The following MICAL2 variants were observed in gnomAD, a reference collection of about 807,000 sequenced individuals.
MICAL2 encodes the protein [F-actin]-monooxygenase MICAL2.
In MICAL2, 77 loss-of-function variants were observed where a neutral mutation model predicts 127.3. The observed-to-expected ratio is 0.60, with a 90% confidence interval of 0.50 to 0.73. MICAL2 has a LOEUF of 0.73. Ranked by LOEUF, MICAL2 falls within the 30% of genes least tolerant of loss-of-function variation. MICAL2 has a pLI of 0.00. For synonymous variants in MICAL2, 570 were observed against 551.1 expected, an observed-to-expected ratio of 1.03 and a Z score of -0.48; for missense variants, 1,351 against 1,434.4, an observed-to-expected ratio of 0.94 and a Z score of 0.94.
intron 21 of MICAL2, among the ~76,000 whole-genome samples, chr11:12,247,673 T>A (rs1162585612): frequency 6.6e-6 from 1 of 152,248 alleles, no homozygotes; most frequent in African/African-American, 2.4e-5. Flanking sequence ...CCCCAAACTC[T>A]GCCCCACCAT....
intron 1 of MICAL2, among the ~76,000 whole-genome samples, chr11:12,135,028 C>A (rs1300079334): frequency 1.3e-5 from 2 of 152,106 alleles, no homozygotes. Context: ...CCTAAGAGGA[C>A]CAGGCCTTCC....
intron 3 of MICAL2, among the ~76,000 whole-genome samples, chr11:12,174,594 TG>T (rs1856633848): frequency 6.6e-6 from 1 of 152,192 alleles, no homozygotes; most frequent in African/African-American, 2.4e-5. Flanking sequence ...GAGGAACCCT[TG>T]TTTTTTTTTT....
chr11:12,297,532 C>T (rs1864000639), intron 29 of MICAL2, among the ~76,000 whole-genome samples: 1 of 151,952 alleles, frequency 6.6e-6, no homozygotes, highest in African/African-American at 2.4e-5. Flanking sequence ...GCTTTATATA[C>T]TAGTTTGAAA....
chr11:12,345,567 C>A (rs978869755), intron 32 of MICAL2, among the ~76,000 whole-genome samples: 2 of 152,138 alleles, frequency 1.3e-5, no homozygotes, highest in African/African-American at 4.8e-5. Context: ...ATAAAATATT[C>A]AAAAGATGTC....
At chr11:12,130,190 G>A (rs1851300331) in intron 1 of MICAL2, among the ~76,000 whole-genome samples, 1 of 152,230 alleles carries the variant, frequency 6.6e-6, no homozygotes. Context: ...TTGGTGGGGA[G>A]TGGGAGACAA....
chr11:12,206,341 C>A (rs897238106), intron 4 of MICAL2, among the ~76,000 whole-genome samples: 1 of 152,134 alleles, frequency 6.6e-6, no homozygotes, highest in African/African-American at 2.4e-5. Context: ...AATCCTGCAG[C>A]GTGCCGTAAT....
intron 2 of MICAL2, among the ~76,000 whole-genome samples, chr11:12,282,244 T>A (rs117102552): frequency 0.014 from 2,069 of 152,274 alleles, 20 homozygotes; most frequent in Non-Finnish European, 0.019. Flanking sequence ...AACACATTTG[T>A]TAAGTACCAT....
At chr11:12,145,898 T>C (rs1852850639) in intron 2 of MICAL2, among the ~76,000 whole-genome samples, 1 of 152,220 alleles carries the variant, frequency 6.6e-6, no homozygotes, top group Non-Finnish European at 1.5e-5. Context: ...GTTATTTATG[T>C]TGTTAATAAC....
chr11:12,182,662 A>G (rs1857623049), intron 3 of MICAL2, among the ~76,000 whole-genome samples: 1 of 152,118 alleles, frequency 6.6e-6, no homozygotes, highest in Non-Finnish European at 1.5e-5. Context: ...AATTAAGGTC[A>G]CACCACACAG....
intron 3 of MICAL2, among the ~76,000 whole-genome samples, chr11:12,200,469 T>G (rs1860560505): frequency 2.0e-5 from 3 of 152,320 alleles, no homozygotes; most frequent in Admixed American, 2.0e-4. Context: ...GGCACGTGGC[T>G]GCCATGGTAT....
intron 2 of MICAL2, among the ~76,000 whole-genome samples, chr11:12,281,387 G>T (rs1169810790): frequency 2.0e-5 from 3 of 152,172 alleles, no homozygotes; most frequent in Non-Finnish European, 4.4e-5. Flanking sequence ...GGGCCCGCAG[G>T]TCTCTCTTGC....
intron 34 of MICAL2, among the ~76,000 whole-genome samples, chr11:12,356,829 C>T (rs1315997721): frequency 6.6e-6 from 1 of 152,210 alleles, no homozygotes; most frequent in Non-Finnish European, 1.5e-5. Context: ...TCTGGGGGGC[C>T]ACACTCAGAC....
intron 24 of MICAL2, among the ~76,000 whole-genome samples, chr11:12,270,282 C>T (rs756632756): frequency 6.6e-6 from 1 of 152,216 alleles, no homozygotes; most frequent in East Asian, 1.9e-4. Context: ...AGATGCCTTC[C>T]CCGCCCTTCT....
upstream of MICAL2, among the ~76,000 whole-genome samples, chr11:12,272,790 A>G (rs1474081042): frequency 3.3e-5 from 5 of 152,088 alleles, no homozygotes; most frequent in Non-Finnish European, 4.4e-5. Flanking sequence ...TCAATCAGGG[A>G]CCCTGACTGA....
At chr11:12,172,031 C>G (rs1213036076) in intron 3 of MICAL2, among the ~76,000 whole-genome samples, 1 of 152,210 alleles carries the variant, frequency 6.6e-6, no homozygotes, top group African/African-American at 2.4e-5. Context: ...CAAGTGCTTA[C>G]TAGCCACATG....
intron 33 of MICAL2, among the ~76,000 whole-genome samples, chr11:12,354,333 C>T (rs1939097160): frequency 6.6e-6 from 1 of 152,116 alleles, no homozygotes; most frequent in Non-Finnish European, 1.5e-5. Flanking sequence ...AAAAATTAGC[C>T]CAGTGGCAGA....
intron 2 of MICAL2, among the ~76,000 whole-genome samples, chr11:12,139,622 C>T (rs764114294): frequency 6.6e-6 from 1 of 152,160 alleles, no homozygotes; most frequent in Non-Finnish European, 1.5e-5. Flanking sequence ...GTTGACTGGA[C>T]CTCAGGGAAA....
chr11:12,217,537 C>T (rs1176764655), intron 8 of MICAL2, among the ~76,000 whole-genome samples: 2 of 152,170 alleles, frequency 1.3e-5, no homozygotes, highest in African/African-American at 2.4e-5. Context: ...CAGAAGTTGC[C>T]TCCTGAAGTT....
intron 3 of MICAL2, among the ~76,000 whole-genome samples, chr11:12,195,311 A>G (rs1292094763): frequency 6.6e-6 from 1 of 152,258 alleles, no homozygotes; most frequent in East Asian, 1.9e-4. Context: ...ACTCTAGTCA[A>G]TGAGATACAT....
Sources: allele counts gnomAD v4.1 joint callset (sites outside exome capture counted in the v4.1 genomes callset), GRCh38; gene constraint gnomAD v4.1.1; transcripts MANE v1.5; gene names NCBI Gene and HGNC (gene_info 2026-07-23, HGNC 2026-07-21).